The following MYO18B variants were observed in gnomAD, a reference collection of about 807,000 sequenced individuals.
The protein encoded by MYO18B is myosin XVIIIB, also known as unconventional myosin-XVIIIb.
Under a neutral mutation model 273.0 loss-of-function variants are expected in MYO18B, and 204 were observed. That is an observed-to-expected ratio of 0.75 (90% CI 0.67 to 0.84). The LOEUF (loss-of-function observed/expected upper bound fraction) is 0.84, where lower values mean the gene tolerates loss of function less well. Ranked by LOEUF, MYO18B falls within the 40% of genes least tolerant of loss-of-function variation. The pLI is 0.00. For synonymous variants in MYO18B, 1,330 were observed against 1,305.7 expected, an observed-to-expected ratio of 1.02 and a Z score of -0.40; for missense variants, 3,212 against 3,287.6, an observed-to-expected ratio of 0.98 and a Z score of 0.56.
chr22:25,880,460 G>GT (rs555447809), intron 25 of MYO18B, among the ~76,000 whole-genome samples: 16 of 151,544 alleles, frequency 1.1e-4, no homozygotes, highest in South Asian at 2.1e-4. Flanking sequence ...ATTTCTGAGA[G>GT]TTTTTTTTTG....
At chr22:25,925,736 C>A (rs1306710467) in intron 34 of MYO18B, among the ~76,000 whole-genome samples, 1 of 151,316 alleles carries the variant, frequency 6.6e-6, no homozygotes, top group Non-Finnish European at 1.5e-5. Context: ...GAAACCCTGT[C>A]TCTACTAAAA....
chr22:25,816,781 A>T (rs2089032376), intron 12 of MYO18B, among the ~76,000 whole-genome samples: 1 of 152,178 alleles, frequency 6.6e-6, no homozygotes, highest in Admixed American at 6.5e-5. Context: ...ATTTGAACTG[A>T]GGCAGTCTGT....
chr22:26,022,270 GA>G lies in MYO18B; in HGVS notation c.6471-4161del, dbSNP rs11448415. Among the ~76,000 whole-genome samples the G allele has an allele frequency of 2.7e-3, 369 of 138,166 alleles. 3 individuals carry two copies. The highest frequency in any genetic ancestry group is 3.0e-3 in the Non-Finnish European group (192 of 64,188). The allele number at this position is 138,166 out of a possible 152,430, so 90.6% of individuals were successfully genotyped here. The stretch of plus-strand genomic sequence containing the variant: ...CGACCTGGTCCTGTGAGGACAGCTA[GA>G]AAAAAAAAAAAAAGACTCTTACTGG... On this transcript the variant is annotated intron_variant, in intron 42 of 43. Transcript: ENST00000335473.
chr22:25,751,117 G>A (rs375404867), intron 1 of MYO18B, among the ~76,000 whole-genome samples: 2 of 152,214 alleles, frequency 1.3e-5, no homozygotes, highest in South Asian at 4.1e-4. Context: ...AGTAAATGAT[G>A]TGATCTACTT....
intron 34 of MYO18B, among the ~76,000 whole-genome samples, chr22:25,935,134 G>A (rs1041112434): frequency 6.6e-6 from 1 of 152,210 alleles, no homozygotes; most frequent in African/African-American, 2.4e-5. Context: ...ACAAGAACCA[G>A]GCCTGGTACA....
intron 33 of MYO18B, among the ~76,000 whole-genome samples, chr22:25,919,779 A>G (rs2092315699): frequency 6.6e-6 from 1 of 152,068 alleles, no homozygotes; most frequent in Non-Finnish European, 1.5e-5. Flanking sequence ...TCTGAGAACC[A>G]ACTCGTTTTT....
In MYO18B at chr22:25,939,756, A is replaced by G. The variant is rs570893990; in HGVS notation, c.5518-6381A>G. 1.2e-4 allele frequency among the ~76,000 whole-genome samples: 18 copies of G among 152,266 alleles called. No homozygotes were observed. In the East Asian group the frequency reaches 1.7e-3, roughly 15 times the overall value. On this transcript the variant is annotated intron_variant, in intron 34 of 43. Transcript: ENST00000335473. ...GTACAGAGCGTCTGTAGTGGGCACT[A>G]TTGTTTCCAAGGGAGAGCAAGGTAA...
rs1472264959 is a variant in MYO18B at position 25,826,461 on chromosome 22, C to T, written c.2748C>T (p.Tyr916=). ...DCVEGMASGL[Y]QELFAAVVSL... is the part of the protein sequence containing the mutation. ...TGGAGGGGATGGCCTCGGGCCTGTA[C>T]CAGGAACTCTTTGCGGCTGTGGTCT... is the stretch of plus-strand genomic sequence containing the variant. Residue 916 remains tyrosine (Y), a synonymous_variant, in exon 14 of 44, where the codon TAC becomes TAT. Transcript: ENST00000335473. The T allele has an allele frequency of 1.9e-6, 3 of 1,613,774 alleles. No individual in the cohort carries two copies. Among genetic ancestry groups the T allele is most frequent in the Middle Eastern group, 1.6e-4 (1 of 6,062 alleles).
At chr22:25,810,907 TG>T (rs1228804348) in intron 12 of MYO18B, among the ~76,000 whole-genome samples, 2 of 152,254 alleles carry the variant, frequency 1.3e-5, no homozygotes, top group African/African-American at 4.8e-5. Flanking sequence ...CTTTCTGTTG[TG>T]TTCCTTGATG....
Position 25,995,685 on chromosome 22 carries a change from T to G in MYO18B, c.6287+3192T>G, listed in dbSNP as rs113662367. On this transcript the variant is annotated intron_variant, in intron 40 of 43. Coordinates refer to ENST00000335473, the MANE Select transcript of MYO18B (RefSeq NM_032608.7). ...GTCTTGGCGTAGGGGAGAAATCCCC[T>G]CTGGCTTTAAAGGGACCCTGCTGTC... Among the ~76,000 whole-genome samples the G allele has an allele frequency of 3.2e-3, 485 of 152,288 alleles. 1 individual carries two copies. The highest frequency in any genetic ancestry group is 0.011 in the African/African-American group (462 of 41,556).
At chr22:26,054,933 T>G in the MYO18B span, among the ~76,000 whole-genome samples, 1 of 152,094 alleles carries the variant, frequency 6.6e-6, no homozygotes, top group East Asian at 1.9e-4. Flanking sequence ...AGATATAAAG[T>G]GCATTTAAGC....
rs568726971 is a variant in MYO18B at position 25,812,895 on chromosome 22, G to T, written c.2522-10610G>T. Among the ~76,000 whole-genome samples, 17 of 152,232 alleles carry T rather than the reference G, an allele frequency of 1.1e-4. No homozygotes were observed. In the East Asian group the frequency reaches 3.1e-3, roughly 28 times the overall value. ...TGAGGCTACAGGGGACTCGAATCAT[G>T]GTCACCTGACTCCTGAGCCAGTGTT... is the stretch of plus-strand genomic sequence containing the variant. On this transcript the variant is annotated intron_variant, in intron 12 of 43. Coordinates refer to ENST00000335473, the MANE Select transcript of MYO18B (RefSeq NM_032608.7).
At chr22:25,789,570 A>G (rs568495540) in intron 11 of MYO18B, among the ~76,000 whole-genome samples, 1 of 151,970 alleles carries the variant, frequency 6.6e-6, no homozygotes, top group South Asian at 2.1e-4. Flanking sequence ...TGGGAGGCAG[A>G]GGCTGCAGTG....
chr22:25,854,274 C>G (rs560605052), intron 21 of MYO18B, among the ~76,000 whole-genome samples: 1 of 152,128 alleles, frequency 6.6e-6, no homozygotes, highest in Non-Finnish European at 1.5e-5. Flanking sequence ...TAGCATATGT[C>G]TTTTATCACA....
chr22:25,888,013 C>T (rs907954991), intron 25 of MYO18B, among the ~76,000 whole-genome samples: 3 of 152,094 alleles, frequency 2.0e-5, no homozygotes, highest in African/African-American at 7.2e-5. Context: ...GCTTGCACCT[C>T]CCTGTATTGT....
At chr22:25,899,903 G>A (rs1013117465) in intron 29 of MYO18B, 1 of 152,242 alleles carries the variant, frequency 6.6e-6, no homozygotes, top group African/African-American at 2.4e-5. Context: ...CAAGAGGTTG[G>A]GACTCCATCA....
In MYO18B at chr22:25,884,935, C is replaced by G. The variant is rs543290248; in HGVS notation, c.4315-5821C>G. The G allele has an allele frequency of 2.0e-4, 30 of 152,122 alleles. No homozygotes were observed. The East Asian group carries it at 5.8e-3, about 29-fold the overall frequency. The allele number at this position is 152,122 out of a possible 1,614,324, so 9.4% of individuals were successfully genotyped here. ...AGTTATAACACTGCGTGCTATCTAG[C>G]AAGCCACATCACCACTATTACCAAT... On this transcript the variant is annotated intron_variant, in intron 25 of 43. Transcript: ENST00000335473.
At chr22:25,766,907 A>G (rs970208682) in intron 3 of MYO18B, among the ~76,000 whole-genome samples, 5 of 152,234 alleles carry the variant, frequency 3.3e-5, no homozygotes, top group Non-Finnish European at 5.9e-5. Context: ...GGCTGTGGCA[A>G]TGGCCCAAGT....
At chr22:25,943,812 C>T (rs1220113365) in intron 34 of MYO18B, among the ~76,000 whole-genome samples, 10 of 148,980 alleles carry the variant, frequency 6.7e-5, no homozygotes, top group South Asian at 2.1e-4. Flanking sequence ...CTCTGCCTCC[C>T]GGGTTCAAGC....
Sources: allele counts gnomAD v4.1 joint callset (sites outside exome capture counted in the v4.1 genomes callset), GRCh38; gene constraint gnomAD v4.1.1; transcripts MANE v1.5; gene names NCBI Gene and HGNC (gene_info 2026-07-23, HGNC 2026-07-21).